The following PTPRD variants were observed in gnomAD, a reference collection of about 807,000 sequenced individuals.
PTPRD encodes protein tyrosine phosphatase receptor type D, also known as receptor-type tyrosine-protein phosphatase delta.
Under a neutral mutation model 214.5 loss-of-function variants are expected in PTPRD, and 34 were observed. That is an observed-to-expected ratio of 0.16 (90% CI 0.12 to 0.21). The LOEUF is 0.21. Ranked by LOEUF, PTPRD falls within the 10% of genes least tolerant of loss-of-function variation. PTPRD has a pLI of 1.00. For synonymous variants in PTPRD, 1,128 were observed against 845.7 expected, an observed-to-expected ratio of 1.33 and a Z score of -5.79; for missense variants, 2,545 against 2,398.7, an observed-to-expected ratio of 1.06 and a Z score of -1.27.
At chr9:10,176,217 A>AGTAT (rs1446937078) in intron 3 of PTPRD, among the ~76,000 whole-genome samples, 1 of 151,838 alleles carries the variant, frequency 6.6e-6, no homozygotes, top group East Asian at 1.9e-4. Flanking sequence ...TTTGAACATC[A>AGTAT]TTTATTTGTA....
chr9:9,241,511 G>T (rs2099970326), intron 9 of PTPRD, among the ~76,000 whole-genome samples: 1 of 152,024 alleles, frequency 6.6e-6, no homozygotes. Context: ...CTTCAGAAAG[G>T]CAAGAAAGCG....
intron 5 of PTPRD, among the ~76,000 whole-genome samples, chr9:9,817,346 G>C (rs1234627253): frequency 1.3e-5 from 2 of 152,064 alleles, no homozygotes; most frequent in African/African-American, 4.8e-5. Flanking sequence ...AACTTAGATA[G>C]TATACATGTC....
At chr9:10,125,970 T>C (rs1192507156) in intron 3 of PTPRD, among the ~76,000 whole-genome samples, 4 of 152,118 alleles carry the variant, frequency 2.6e-5, no homozygotes, top group Non-Finnish European at 5.9e-5. Flanking sequence ...ACTATCACAA[T>C]AAGATGGTAA....
chr9:8,683,415 TGA>T (rs954046431), intron 12 of PTPRD, among the ~76,000 whole-genome samples: 1 of 149,068 alleles, frequency 6.7e-6, no homozygotes, highest in African/African-American at 2.5e-5. Context: ...TATACATAAG[TGA>T]GAGAGAGAGA....
chr9:9,045,402 G>GGGT (rs2099669267), intron 10 of PTPRD, among the ~76,000 whole-genome samples: 1 of 151,344 alleles, frequency 6.6e-6, no homozygotes, highest in Non-Finnish European at 1.5e-5. Context: ...GCATGTGGGA[G>GGGT]GGTGGGGGTA....
At chr9:9,483,356 T>A (rs2147204643) in intron 8 of PTPRD, among the ~76,000 whole-genome samples, 1 of 152,282 alleles carries the variant, frequency 6.6e-6, no homozygotes, top group South Asian at 2.1e-4. Flanking sequence ...TCATTTAGGA[T>A]GCGTGAAGAT....
intron 7 of PTPRD, among the ~76,000 whole-genome samples, chr9:9,727,314 G>C (rs1333858636): frequency 1.3e-5 from 2 of 152,052 alleles, no homozygotes; most frequent in Admixed American, 1.3e-4. Context: ...AGCCAGGCGT[G>C]ATGGCACAAG....
At chr9:9,534,175 G>C (rs2076057605) in intron 8 of PTPRD, among the ~76,000 whole-genome samples, 1 of 152,016 alleles carries the variant, frequency 6.6e-6, no homozygotes, top group South Asian at 2.1e-4. Flanking sequence ...TAGTAAGGAA[G>C]ATCATTCTGA....
chr9:10,518,852 A>T (rs996144871), intron 2 of PTPRD, among the ~76,000 whole-genome samples: 16 of 150,768 alleles, frequency 1.1e-4, no homozygotes, highest in South Asian at 8.4e-4. Context: ...TTTTTTTTTT[A>T]AATAATAATT....
At chr9:8,514,525 GTT>G (rs61389121) in intron 21 of PTPRD, among the ~76,000 whole-genome samples, 1 of 136,734 alleles carries the variant, frequency 7.3e-6, no homozygotes, top group Non-Finnish European at 1.6e-5. Context: ...GATAAACTTA[GTT>G]TTTTTTTTTT....
intron 8 of PTPRD, among the ~76,000 whole-genome samples, chr9:9,485,888 C>T (rs1406143527): frequency 6.6e-6 from 1 of 151,970 alleles, no homozygotes; most frequent in Non-Finnish European, 1.5e-5. Context: ...TGGGGTGGCT[C>T]ACGCCTGTAA....
chr9:8,858,030 C>G (rs1272309864), intron 11 of PTPRD: 1 of 158,538 alleles, frequency 6.3e-6, no homozygotes, highest in Non-Finnish European at 1.4e-5. Context: ...CCTCCTCCCG[C>G]TCCTCCTGCT....
At chr9:10,162,568 G>A (rs998983762) in intron 3 of PTPRD, among the ~76,000 whole-genome samples, 1 of 150,116 alleles carries the variant, frequency 6.7e-6, no homozygotes, top group African/African-American at 2.4e-5. Context: ...AGGGGTTGAA[G>A]AAAGTTTGAT....
chr9:10,456,350 G>T (rs1232040788), intron 2 of PTPRD, among the ~76,000 whole-genome samples: 1 of 151,882 alleles, frequency 6.6e-6, no homozygotes, highest in African/African-American at 2.4e-5. Context: ...TGCATAACGT[G>T]TATTGCACTT....
intron 12 of PTPRD, among the ~76,000 whole-genome samples, chr9:8,707,094 A>G (rs1417977559): frequency 6.6e-6 from 1 of 152,234 alleles, no homozygotes; most frequent in Non-Finnish European, 1.5e-5. Context: ...GCAAGCCTAC[A>G]ATCAATTAGC....
At chr9:9,999,385 T>C (rs542100303) in intron 4 of PTPRD, among the ~76,000 whole-genome samples, 2 of 152,326 alleles carry the variant, frequency 1.3e-5, no homozygotes, top group African/African-American at 2.4e-5. Context: ...CTCATCTTAC[T>C]CAGTCCCACT....
intron 30 of PTPRD, among the ~76,000 whole-genome samples, chr9:8,473,552 T>A (rs1261906524): frequency 6.6e-6 from 1 of 152,110 alleles, no homozygotes; most frequent in East Asian, 1.9e-4. Context: ...GCGCTACACA[T>A]AAAGCAATGA....
chr9:9,173,917 C>A (rs1167427071), intron 10 of PTPRD, among the ~76,000 whole-genome samples: 1 of 152,058 alleles, frequency 6.6e-6, no homozygotes, highest in African/African-American at 2.4e-5. Context: ...TGGCTCCTAC[C>A]GGCATGCTCT....
intron 3 of PTPRD, among the ~76,000 whole-genome samples, chr9:10,061,786 T>C (rs1382553981): frequency 6.6e-6 from 1 of 152,094 alleles, no homozygotes; most frequent in Non-Finnish European, 1.5e-5. Context: ...TTCACTTATG[T>C]AAAATGAAGG....
Sources: allele counts gnomAD v4.1 joint callset (sites outside exome capture counted in the v4.1 genomes callset), GRCh38; gene constraint gnomAD v4.1.1; transcripts MANE v1.5; gene names NCBI Gene and HGNC (gene_info 2026-07-23, HGNC 2026-07-21).